FGF12: variants seen among roughly 807,000 people sequenced by gnomAD.
FGF12 encodes fibroblast growth factor 12B.
Under a neutral mutation model 23.6 loss-of-function variants are expected in FGF12, and 14 were observed. That is an observed-to-expected ratio of 0.59 (90% CI 0.39 to 0.93). The LOEUF is 0.93. Among genes scored for constraint, FGF12 ranks in the 40% least tolerant of loss-of-function variants. FGF12 has a pLI of 0.00. For missense variants in FGF12, 175 were observed against 217.8 expected, an observed-to-expected ratio of 0.80 and a Z score of 1.24; for synonymous variants, 62 against 77.3, an observed-to-expected ratio of 0.80 and a Z score of 1.04.
In FGF12 at chr3:192,360,610, A is replaced by T. The variant is rs1718675020; in HGVS notation, c.14-72T>A. The T allele has an allele frequency of 4.9e-6, 5 of 1,018,168 alleles. No individual in the cohort carries two copies. Among genetic ancestry groups the T allele is most frequent in the Admixed American group, 3.5e-5 (2 of 56,546 alleles). The allele number at this position is 1,018,168 out of a possible 1,614,324, so 63.1% of individuals were successfully genotyped here. A position where few individuals can be genotyped will look rare whatever the true frequency, so the allele number is the denominator to read the frequency against. ...TGCACACTTACAGATTGTTAAAAACATCCTGTAAGTAAATACGTAAATGCC... is the reference window on the plus strand; with the variant it reads ...TGCACACTTACAGATTGTTAAAAACTTCCTGTAAGTAAATACGTAAATGCC... On this transcript the variant is annotated intron_variant, in intron 2 of 5. Coordinates refer to ENST00000445105, the MANE Select transcript of FGF12 (RefSeq NM_004113.6). This position sits in a 1 kb window ranked among gnomAD's most constrained non-coding sequence, Gnocchi z 4.3.
chr3:192,452,482 T>A (rs1215261086), intron 2 of FGF12, among the ~76,000 whole-genome samples: 1 of 152,248 alleles, frequency 6.6e-6, no homozygotes, highest in East Asian at 1.9e-4. Context: ...AGTATTTTTG[T>A]CAAGTTTTAG....
intron 3 of FGF12, among the ~76,000 whole-genome samples, chr3:192,359,785 T>G (rs1718636064): frequency 6.6e-6 from 1 of 150,748 alleles, no homozygotes; most frequent in South Asian, 2.1e-4. Context: ...TGCCCAGCAT[T>G]TTTATTTCCC....
chr3:192,415,730 T>TCA (rs139401616), intron 2 of FGF12, among the ~76,000 whole-genome samples: 39 of 60,364 alleles, frequency 6.5e-4, no homozygotes, highest in African/African-American at 1.8e-3. Flanking sequence ...TCTCTCTCTC[T>TCA]CTCACACACA....
chr3:192,224,339 C>T (rs1313980697), intron 4 of FGF12, among the ~76,000 whole-genome samples: 1 of 152,098 alleles, frequency 6.6e-6, no homozygotes, highest in Non-Finnish European at 1.5e-5. Context: ...ATTTCCTACA[C>T]AAAACTGGAA....
At chr3:192,400,882 T>C (rs1720732078) in intron 2 of FGF12, among the ~76,000 whole-genome samples, 2 of 152,158 alleles carry the variant, frequency 1.3e-5, no homozygotes, top group South Asian at 4.1e-4. Flanking sequence ...TCTTTTTATA[T>C]CCATGGCCAT....
rs563094692 is a variant in FGF12, at chr3:192,254,076, T to C, written c.228+81285A>G. On this transcript the variant is annotated intron_variant, in intron 4 of 5. Transcript: ENST00000445105. ...TCTCTCAGTGATTTTCAAGAATACA[T>C]TGTTATTAGCTATAGTCACCACCTT... Among the ~76,000 whole-genome samples, 7 of 152,094 alleles carry C rather than the reference T, an allele frequency of 4.6e-5. No homozygotes were observed. In the East Asian group the frequency reaches 9.7e-4, roughly 21 times the overall value.
chr3:192,406,211 G>T (rs1246777040), intron 2 of FGF12, among the ~76,000 whole-genome samples: 1 of 151,852 alleles, frequency 6.6e-6, no homozygotes, highest in East Asian at 1.9e-4. Flanking sequence ...ATGAAGCCAT[G>T]CAAAAGTAAC....
At chr3:192,500,952 C>T (rs1266534816) in intron 2 of FGF12, among the ~76,000 whole-genome samples, 3 of 152,186 alleles carry the variant, frequency 2.0e-5, no homozygotes, top group African/African-American at 7.2e-5. Context: ...AACGTGGCTC[C>T]ATAGTCCATA....
At chr3:192,643,907 C>T (rs867831019) in intron 2 of FGF12, among the ~76,000 whole-genome samples, 2 of 152,146 alleles carry the variant, frequency 1.3e-5, no homozygotes, top group African/African-American at 2.4e-5. Context: ...CTTGATTTAT[C>T]GGAAGTTTTC....
chr3:192,685,087 T>A (rs1459526210), intron 2 of FGF12, among the ~76,000 whole-genome samples: 2 of 152,180 alleles, frequency 1.3e-5, no homozygotes, highest in African/African-American at 4.8e-5. Flanking sequence ...AGTCTCGTTC[T>A]GTCACCCAGG....
At position 192,143,011 on chromosome 3, in the gene FGF12, T is replaced by G. The variant is rs1388828028; in HGVS notation, c.*998A>C. 4 of 151,984 alleles carry G rather than the reference T, an allele frequency of 2.6e-5. No homozygotes were observed. The East Asian group carries it at 7.7e-4, about 29-fold the overall frequency. 9.4% of individuals were successfully genotyped at this position (151,984 alleles called of 1,614,324 possible). ...TTATGTAAAACCCCTGTTCTTTCTT[T>G]CCTGCCACAAGACAGGGTACAAAGC... On this transcript the variant is annotated 3_prime_UTR_variant, in exon 6 of 6. Transcript: ENST00000445105.
At position 192,409,866 on chromosome 3, in the gene FGF12, G is replaced by C. The variant is rs985732731; in HGVS notation, c.14-49328C>G. Among the ~76,000 whole-genome samples, 1 of 151,838 alleles carries C rather than the reference G, an allele frequency of 6.6e-6. No homozygotes were observed. Among genetic ancestry groups the C allele is most frequent in the Non-Finnish European group, 1.5e-5 (1 of 67,914 alleles). On this transcript the variant is annotated intron_variant, in intron 2 of 5. Coordinates refer to ENST00000445105, the MANE Select transcript of FGF12 (RefSeq NM_004113.6). The surrounding 1 kb of genome is among the most constrained non-coding windows in gnomAD (Gnocchi z 4.8). ...TGCCAACTCGCCCAACTTGCTGCGC[G>C]GGTGGCCGCTCAGAGCCGCGGGCTT...
intron 4 of FGF12, among the ~76,000 whole-genome samples, chr3:192,220,230 C>G (rs1718398922): frequency 6.6e-6 from 1 of 152,110 alleles, no homozygotes; most frequent in East Asian, 1.9e-4. Flanking sequence ...AGTGACTTGC[C>G]ATTGAATATA....
At position 192,553,663 on chromosome 3, in the gene FGF12, G is replaced by A. The variant is rs115884031; in HGVS notation, c.13+173518C>T. Among the ~76,000 whole-genome samples, 1,069 of 152,246 alleles carry A rather than the reference G, an allele frequency of 7.0e-3. 4 individuals carry two copies. Among genetic ancestry groups the A allele is most frequent in the African/African-American group, 0.024 (1,002 of 41,546 alleles). ...AAGCCAAATGCATTGAAACCAGTAA[G>A]AAAATTCGTGTCACTCATACACCAT... is the stretch of plus-strand genomic sequence containing the variant. On this transcript the variant is annotated intron_variant, in intron 2 of 5. Coordinates refer to ENST00000445105, the MANE Select transcript of FGF12 (RefSeq NM_004113.6).
intron 2 of FGF12, among the ~76,000 whole-genome samples, chr3:192,374,651 C>T (rs1719390773): frequency 6.6e-6 from 1 of 152,192 alleles, no homozygotes. Flanking sequence ...CTAGTACTTA[C>T]TCATTCCATC....
chr3:192,497,215 C>T (rs965950539), intron 2 of FGF12, among the ~76,000 whole-genome samples: 4 of 152,214 alleles, frequency 2.6e-5, no homozygotes, highest in Non-Finnish European at 5.9e-5. Context: ...CACTCTTCAC[C>T]TCGTTGCTCA....
intron 2 of FGF12, among the ~76,000 whole-genome samples, chr3:192,378,080 T>TTCTTTCTTTCTGTCTTTCTG (rs1186177456): frequency 9.5e-6 from 1 of 105,810 alleles, no homozygotes; most frequent in Non-Finnish European, 2.0e-5. Flanking sequence ...CTTTCTTTCT[T>TTCTTTCTTTCTGTCTTTCTG]TCTTTCTTTC....
chr3:192,434,201 C>A (rs775709272), intron 2 of FGF12, among the ~76,000 whole-genome samples: 2 of 152,122 alleles, frequency 1.3e-5, no homozygotes, highest in Non-Finnish European at 2.9e-5. Context: ...CCTCCGGGAG[C>A]CCCTCCCAGA....
chr3:192,236,242 T>G (rs1266933297), intron 4 of FGF12, among the ~76,000 whole-genome samples: 1 of 152,126 alleles, frequency 6.6e-6, no homozygotes, highest in Non-Finnish European at 1.5e-5. Context: ...TGATGTCATT[T>G]TTTTTTGAAT....
Sources: gnomAD v4.1 joint callset for allele counts (sites outside exome capture counted in the v4.1 genomes callset) on GRCh38, gnomAD v4.1.1 for gene constraint, Gnocchi (gnomAD v3.1) non-coding constraint, MANE v1.5 for transcripts, NCBI Gene and HGNC (gene_info 2026-07-23, HGNC 2026-07-21) for gene names.